The following EDIL3 variants were observed in gnomAD, a reference collection of about 807,000 sequenced individuals.
EDIL3 encodes the protein EGF like and discoidin domains 3, also known as EGF-like repeat and discoidin I-like domain-containing protein 3.
A neutral mutation model predicts 67.4 loss-of-function variants in EDIL3; 37 were observed. The ratio of observed to expected loss-of-function variants is 0.55; its 90% confidence interval spans 0.42 to 0.72. The LOEUF (loss-of-function observed/expected upper bound fraction) is 0.72, where lower values mean the gene tolerates loss of function less well. EDIL3 is among the 30% of genes least tolerant of loss of function. EDIL3 has a pLI of 0.00. For missense variants in EDIL3, 527 were observed against 586.3 expected (o/e 0.90, Z 1.04); for synonymous variants, 195 against 196.3 (o/e 0.99, Z 0.05).
intron 9 of EDIL3, among the ~76,000 whole-genome samples, chr5:83,994,237 T>C (rs146369418): frequency 6.6e-6 from 1 of 152,300 alleles, no homozygotes; most frequent in Non-Finnish European, 1.5e-5. Context: ...CTATACTCTG[T>C]TTCAATAATT....
chr5:84,260,782 C>T (rs1221565545), intron 1 of EDIL3, among the ~76,000 whole-genome samples: 2 of 152,010 alleles, frequency 1.3e-5, no homozygotes, highest in Non-Finnish European at 2.9e-5. Flanking sequence ...TCATCCCTGC[C>T]CTCTCTCCAT....
At chr5:84,014,327 T>C (rs16900818) in intron 9 of EDIL3, among the ~76,000 whole-genome samples, 3,887 of 152,278 alleles carry the variant, frequency 0.026, 167 homozygotes, top group African/African-American at 0.087. Flanking sequence ...GTATCAGTTG[T>C]ATAGGACTGT....
intron 4 of EDIL3, among the ~76,000 whole-genome samples, chr5:84,148,972 C>CAAAAAAAAAAAAAAAAAAAAACAAAA (rs60662947): frequency 1.1e-5 from 1 of 87,062 alleles, no homozygotes; most frequent in African/African-American, 4.6e-5. Context: ...ACAAAAACGA[C>CAAAAAAAAAAAAAAAAAAAAACAAAA]AAAAAAAAAA....
At chr5:84,250,737 T>G (rs1036300735) in intron 2 of EDIL3, among the ~76,000 whole-genome samples, 1 of 152,214 alleles carries the variant, frequency 6.6e-6, no homozygotes, top group Non-Finnish European at 1.5e-5. Context: ...AACATAATTT[T>G]AAAAACTGGG....
At chr5:84,328,863 G>T (rs576775535) in intron 1 of EDIL3, among the ~76,000 whole-genome samples, 1 of 151,958 alleles carries the variant, frequency 6.6e-6, no homozygotes, top group African/African-American at 2.4e-5. Flanking sequence ...TTTTACAAAC[G>T]CTTGCAATTT....
chr5:84,141,999 C>CTATCTATCTATCT (rs1554070005), intron 4 of EDIL3, among the ~76,000 whole-genome samples: 3 of 143,678 alleles, frequency 2.1e-5, no homozygotes, highest in South Asian at 2.2e-4. Flanking sequence ...ATCTATCTAT[C>CTATCTATCTATCT]ATATTGAGCA....
intron 6 of EDIL3, among the ~76,000 whole-genome samples, chr5:84,080,151 C>A (rs1746937450): frequency 1.7e-5 from 2 of 115,018 alleles, no homozygotes; most frequent in African/African-American, 3.2e-5. Context: ...AAAAAAATAG[C>A]CCGGCGTGGT....
At chr5:83,951,905 T>C (rs1744429537) in intron 10 of EDIL3, among the ~76,000 whole-genome samples, 1 of 151,804 alleles carries the variant, frequency 6.6e-6, no homozygotes, top group South Asian at 2.1e-4. Flanking sequence ...ACTTGTCTAT[T>C]ACTGGCAAGC....
chr5:84,335,695 A>G (rs1561261061), intron 1 of EDIL3, among the ~76,000 whole-genome samples: 2 of 152,214 alleles, frequency 1.3e-5, no homozygotes, highest in Admixed American at 6.5e-5. Flanking sequence ...CAATACAAGT[A>G]TATTCCTTGG....
At chr5:84,016,501 C>A (rs1010322265) in intron 9 of EDIL3, among the ~76,000 whole-genome samples, 3 of 152,146 alleles carry the variant, frequency 2.0e-5, no homozygotes, top group African/African-American at 7.2e-5. Flanking sequence ...CATCCCTAAT[C>A]TGATAATCCC....
intron 1 of EDIL3, among the ~76,000 whole-genome samples, chr5:84,336,703 A>G (rs1249993588): frequency 1.3e-5 from 2 of 152,188 alleles, no homozygotes; most frequent in Admixed American, 1.3e-4. Flanking sequence ...TAACTAAGAC[A>G]TATTTAATCT....
At chr5:84,348,603 A>C (rs1476617927) in intron 1 of EDIL3, among the ~76,000 whole-genome samples, 1 of 152,070 alleles carries the variant, frequency 6.6e-6, no homozygotes, top group South Asian at 2.1e-4. Flanking sequence ...CAAAAAAAAA[A>C]AAAAACACCT....
chr5:84,153,211 T>C (rs768473153), intron 4 of EDIL3, among the ~76,000 whole-genome samples: 4 of 152,178 alleles, frequency 2.6e-5, no homozygotes, highest in Non-Finnish European at 4.4e-5. Context: ...AACCTACTAC[T>C]TGTTCATCAG....
At chr5:84,199,520 T>C (rs530407524) in intron 3 of EDIL3, among the ~76,000 whole-genome samples, 4 of 152,040 alleles carry the variant, frequency 2.6e-5, no homozygotes, top group South Asian at 4.1e-4. Flanking sequence ...AGATGCAGAT[T>C]TCTAAGCAAG....
intron 9 of EDIL3, among the ~76,000 whole-genome samples, chr5:84,045,984 G>A (rs1170744899): frequency 1.3e-5 from 2 of 152,170 alleles, no homozygotes; most frequent in East Asian, 1.9e-4. Flanking sequence ...AATTGAGCCA[G>A]GTGAGCTTAA....
rs1037527484 is a variant in EDIL3, at chr5:84,109,598, T to C, written c.470-2768A>G. Among the ~76,000 whole-genome samples the C allele has an allele frequency of 2.6e-5, 4 of 152,220 alleles. No individual in the cohort carries two copies. The East Asian group carries it at 5.8e-4, about 22-fold the overall frequency. On this transcript the variant is annotated intron_variant, in intron 5 of 10. Coordinates refer to ENST00000296591, the MANE Select transcript of EDIL3 (RefSeq NM_005711.5). ...TGATATATTATAGGGTTATATCTTA[T>C]ACAAAGTATTTTTGCATGAGCTATT... is the stretch of plus-strand genomic sequence containing the variant.
chr5:84,287,765 C>T, intron 1 of EDIL3, among the ~76,000 whole-genome samples: 1 of 152,076 alleles, frequency 6.6e-6, no homozygotes, highest in African/African-American at 2.4e-5. Flanking sequence ...CTCTGTGAAA[C>T]ATTTTCTTTA....
At chr5:84,138,465 A>G (rs993420662) in intron 4 of EDIL3, among the ~76,000 whole-genome samples, 9 of 152,198 alleles carry the variant, frequency 5.9e-5, no homozygotes, top group African/African-American at 1.7e-4. Flanking sequence ...CCAAAACAAT[A>G]GAAATAGTCA....
intron 7 of EDIL3, among the ~76,000 whole-genome samples, chr5:84,065,729 A>T (rs746312339): frequency 4.6e-5 from 7 of 152,184 alleles, no homozygotes; most frequent in Non-Finnish European, 5.9e-5. Context: ...TTCCAATATG[A>T]AGCATATAAA....
Sources: allele counts gnomAD v4.1 joint callset (sites outside exome capture counted in the v4.1 genomes callset), GRCh38; gene constraint gnomAD v4.1.1; transcripts MANE v1.5; gene names NCBI Gene and HGNC (gene_info 2026-07-23, HGNC 2026-07-21).